TEAD1: variants seen among roughly 807,000 people sequenced by gnomAD.
The protein encoded by TEAD1 is TEA domain transcription factor 1.
In TEAD1, 9 loss-of-function variants were observed where a neutral mutation model predicts 54.9. That is an observed-to-expected ratio of 0.16 (90% CI 0.10 to 0.29). The LOEUF (loss-of-function observed/expected upper bound fraction) is 0.29, where lower values mean the gene tolerates loss of function less well. Among genes scored for constraint, TEAD1 ranks in the 10% least tolerant of loss-of-function variants. The pLI, the probability that TEAD1 is intolerant of heterozygous loss-of-function variation, is 1.00. For synonymous variants in TEAD1, 200 were observed against 187.8 expected (o/e 1.07, Z -0.53); for missense variants, 387 against 535.9 (o/e 0.72, Z 2.74).
intron 9 of TEAD1, among the ~76,000 whole-genome samples, chr11:12,883,613 C>T (rs375875034): frequency 3.0e-4 from 46 of 152,074 alleles, no homozygotes; most frequent in Non-Finnish European, 2.2e-4. Context: ...GATTCAAGCT[C>T]GGGTCCTGAA....
chr11:12,787,943 A>T (rs574566844), intron 3 of TEAD1, among the ~76,000 whole-genome samples: 1 of 151,058 alleles, frequency 6.6e-6, no homozygotes, highest in Non-Finnish European at 1.5e-5. Context: ...GTTTCTCTTC[A>T]GACTGTATAA....
At chr11:12,887,990 A>C (rs1358112960) in intron 9 of TEAD1, among the ~76,000 whole-genome samples, 5 of 152,200 alleles carry the variant, frequency 3.3e-5, no homozygotes, top group Non-Finnish European at 7.3e-5. Context: ...AGGGGTTATA[A>C]AATATTTTTA....
chr11:12,914,178 G>A (rs904728168), intron 10 of TEAD1, among the ~76,000 whole-genome samples: 29 of 152,116 alleles, frequency 1.9e-4, no homozygotes, highest in Non-Finnish European at 4.4e-5. Flanking sequence ...CAGTGCAGAC[G>A]GGCAGCCTTT....
chr11:12,847,875 A>G (rs1437329624), intron 3 of TEAD1, among the ~76,000 whole-genome samples: 1 of 152,166 alleles, frequency 6.6e-6, no homozygotes, highest in African/African-American at 2.4e-5. Flanking sequence ...TCTAAGCTCA[A>G]CTGAGGAAGG....
At chr11:12,676,068 A>C (rs1943080629) in intron 2 of TEAD1, among the ~76,000 whole-genome samples, 1 of 152,236 alleles carries the variant, frequency 6.6e-6, no homozygotes, top group African/African-American at 2.4e-5. Context: ...AGGGAATGTA[A>C]AAAGGCCATG....
At chr11:12,797,560 C>CTTT (rs551712947) in intron 3 of TEAD1, among the ~76,000 whole-genome samples, 2 of 145,640 alleles carry the variant, frequency 1.4e-5, no homozygotes, top group Non-Finnish European at 3.0e-5. Flanking sequence ...CTGTCCCTCT[C>CTTT]TTTTTTTTTT....
intron 2 of TEAD1, among the ~76,000 whole-genome samples, chr11:12,762,422 C>T (rs767050975): frequency 5.3e-5 from 8 of 152,110 alleles, no homozygotes; most frequent in Non-Finnish European, 1.0e-4. Context: ...AGGCCCACAC[C>T]GCAGGCATAG....
chr11:12,713,692 T>C (rs1371628282), intron 2 of TEAD1, among the ~76,000 whole-genome samples: 3 of 152,176 alleles, frequency 2.0e-5, no homozygotes, highest in Non-Finnish European at 2.9e-5. Flanking sequence ...TTATATCTCA[T>C]AGGACAAAAA....
At chr11:12,827,007 C>G (rs911516886) in intron 3 of TEAD1, among the ~76,000 whole-genome samples, 3 of 152,214 alleles carry the variant, frequency 2.0e-5, no homozygotes, top group African/African-American at 7.2e-5. Context: ...GGGAATTCCT[C>G]TCAACTCTCT....
intron 2 of TEAD1, among the ~76,000 whole-genome samples, chr11:12,695,493 T>G (rs907871291): frequency 6.6e-6 from 1 of 152,220 alleles, no homozygotes; most frequent in African/African-American, 2.4e-5. Flanking sequence ...GATTAGAGAC[T>G]GAATCTTGAA....
chr11:12,901,919 G>T (rs1948432734), intron 9 of TEAD1, 21 bp from the exon 10 acceptor site: 1 of 1,614,172 alleles, frequency 6.2e-7, no homozygotes. Flanking sequence ...TAATGGGAAT[G>T]TTTCTGTTGG....
At chr11:12,811,444 A>G (rs747807220) in intron 3 of TEAD1, among the ~76,000 whole-genome samples, 11 of 152,222 alleles carry the variant, frequency 7.2e-5, no homozygotes, top group Non-Finnish European at 1.6e-4. Context: ...CTTAAAAGCC[A>G]GTTTGATCAT....
intron 2 of TEAD1, among the ~76,000 whole-genome samples, chr11:12,742,355 A>G (rs1337475933): frequency 2.0e-5 from 3 of 152,232 alleles, no homozygotes; most frequent in Admixed American, 2.0e-4. Context: ...GAAGTGAAAT[A>G]ATAAAAGTAA....
At chr11:12,702,474 A>T (rs1248120366) in intron 2 of TEAD1, among the ~76,000 whole-genome samples, 1 of 152,148 alleles carries the variant, frequency 6.6e-6, no homozygotes, top group African/African-American at 2.4e-5. Flanking sequence ...GCCTCAGGAC[A>T]ATGCCGAGAG....
At chr11:12,890,731 T>G (rs1193636839) in intron 9 of TEAD1, among the ~76,000 whole-genome samples, 1 of 152,192 alleles carries the variant, frequency 6.6e-6, no homozygotes, top group Non-Finnish European at 1.5e-5. Flanking sequence ...ACTAAGTGCT[T>G]TGGACTCTAC....
intron 2 of TEAD1, among the ~76,000 whole-genome samples, chr11:12,763,872 A>T (rs1945150196): frequency 6.6e-6 from 1 of 152,188 alleles, no homozygotes; most frequent in South Asian, 2.1e-4. Context: ...TGTGAAGATT[A>T]TCCAGCTTCT....
intron 12 of TEAD1, among the ~76,000 whole-genome samples, chr11:12,932,650 G>A (rs1949030515): frequency 6.6e-6 from 1 of 152,102 alleles, no homozygotes; most frequent in South Asian, 2.1e-4. Context: ...GATAATGGAG[G>A]TGAAAAATTC....
chr11:12,826,732 T>C (rs936072252), intron 3 of TEAD1, among the ~76,000 whole-genome samples: 1 of 152,186 alleles, frequency 6.6e-6, no homozygotes, highest in African/African-American at 2.4e-5. Flanking sequence ...AAAAAATGTG[T>C]GTAAATGTTT....
chr11:12,806,587 AGTTGGGCCCTCTGGCCGAG>A (rs1208839862), intron 3 of TEAD1, among the ~76,000 whole-genome samples: 15 of 152,312 alleles, frequency 9.8e-5, no homozygotes, highest in African/African-American at 3.6e-4. Flanking sequence ...CTAGGGCCCA[AGTTGGGCCCTCTGGCCGAG>A]GTCTAAGGAC....
Sources: allele counts gnomAD v4.1 joint callset (sites outside exome capture counted in the v4.1 genomes callset), GRCh38; gene constraint gnomAD v4.1.1; transcripts MANE v1.5; gene names NCBI Gene and HGNC (gene_info 2026-07-23, HGNC 2026-07-21).